Variants in PLD5 observed in about 807,000 individuals in gnomAD.
PLD5 encodes the protein phospholipase D family member 5.
In PLD5, 36 loss-of-function variants were observed where a neutral mutation model predicts 61.1. The observed-to-expected ratio is 0.59, with a 90% CI of 0.45 to 0.78. PLD5 has a LOEUF of 0.78. Ranked by LOEUF, PLD5 falls within the 30% of genes least tolerant of loss-of-function variation. PLD5 has a pLI of 0.00. For synonymous variants in PLD5, 243 were observed against 242.8 expected, an observed-to-expected ratio of 1.00 and a Z score of -0.01; for missense variants, 515 against 644.4, an observed-to-expected ratio of 0.80 and a Z score of 2.17.
intron 5 of PLD5, among the ~76,000 whole-genome samples, chr1:242,154,859 T>C (rs559554563): frequency 1.3e-5 from 2 of 152,300 alleles, no homozygotes; most frequent in African/African-American, 4.8e-5. Context: ...ACTGGCCTCA[T>C]AAAATGAGTT....
chr1:242,096,244 C>T (rs937706128), intron 9 of PLD5, among the ~76,000 whole-genome samples: 4 of 152,164 alleles, frequency 2.6e-5, no homozygotes, highest in African/African-American at 9.7e-5. Context: ...AGGCGTGAGC[C>T]ACTGCACCCA....
At chr1:242,530,237 T>G in the PLD5 span, among the ~76,000 whole-genome samples, 1 of 152,284 alleles carries the variant, frequency 6.6e-6, no homozygotes. Flanking sequence ...GGTTGTCGTG[T>G]TGGCTCAGTT....
At chr1:242,160,966 C>CT (rs1401453154) in intron 5 of PLD5, among the ~76,000 whole-genome samples, 1 of 151,242 alleles carries the variant, frequency 6.6e-6, no homozygotes, top group Non-Finnish European at 1.5e-5. Flanking sequence ...AATATGATTG[C>CT]TTTTTAAGAC....
Position 242,473,375 on chromosome 1 carries a change from A to G in PLD5, c.189+50713T>C, listed in dbSNP as rs1474380781. Among the ~76,000 whole-genome samples, 3 of 152,208 alleles carry G rather than the reference A, an allele frequency of 2.0e-5. No homozygotes were observed. The East Asian group carries it at 5.8e-4, about 29-fold the overall frequency. On this transcript the variant is annotated intron_variant, in intron 1 of 9. Transcript: ENST00000536534. ...CACTCCATTTTGGTTCAATTTCCAA[A>G]TGGAAAAGACACTTACTCCCTTGTA...
chr1:242,523,424 T>C (rs1669342063), intron 1 of PLD5, among the ~76,000 whole-genome samples: 1 of 152,034 alleles, frequency 6.6e-6, no homozygotes, highest in Admixed American at 6.5e-5. Context: ...TCGGCACTCC[T>C]TGGGAGTAGA....
chr1:242,202,803 T>C (rs1489512523), intron 5 of PLD5, among the ~76,000 whole-genome samples: 1 of 152,088 alleles, frequency 6.6e-6, no homozygotes, highest in East Asian at 1.9e-4. Context: ...CTGTGGGGAT[T>C]TCATGTAATT....
At chr1:242,247,275 C>T (rs937322323) in intron 4 of PLD5, among the ~76,000 whole-genome samples, 4 of 152,212 alleles carry the variant, frequency 2.6e-5, no homozygotes, top group African/African-American at 9.6e-5. Context: ...AGCCACCGCG[C>T]CCGGCCTTAG....
chr1:242,147,876 T>A (rs967543475), intron 5 of PLD5, among the ~76,000 whole-genome samples: 1 of 152,184 alleles, frequency 6.6e-6, no homozygotes, highest in Non-Finnish European at 1.5e-5. Context: ...TATTAAATTT[T>A]GAGAGTTTCA....
chr1:242,428,375 C>G (rs1220367807), intron 1 of PLD5, among the ~76,000 whole-genome samples: 2 of 152,150 alleles, frequency 1.3e-5, no homozygotes, highest in East Asian at 3.9e-4. Flanking sequence ...AGAAAAAGAG[C>G]TCAACCACCC....
chr1:242,345,719 C>G (rs2261229), intron 2 of PLD5: 2 of 696,882 alleles, frequency 2.9e-6, no homozygotes, highest in Non-Finnish European at 5.3e-6. Flanking sequence ...TGTGGAAGAT[C>G]AAATCAAATT....
chr1:242,125,025 G>A (rs548943508), intron 5 of PLD5, among the ~76,000 whole-genome samples: 4 of 151,836 alleles, frequency 2.6e-5, no homozygotes, highest in East Asian at 1.9e-4. Flanking sequence ...CAACATAACC[G>A]AATGGCTGGA....
At chr1:242,300,860 A>C (rs1159612403) in intron 2 of PLD5, among the ~76,000 whole-genome samples, 2 of 152,164 alleles carry the variant, frequency 1.3e-5, no homozygotes, top group Non-Finnish European at 2.9e-5. Context: ...GGGATGGGGA[A>C]AAGTGGAGAG....
At chr1:242,377,266 G>A (rs1558509362) in intron 1 of PLD5, 2 of 1,610,128 alleles carry the variant, frequency 1.2e-6, no homozygotes, top group South Asian at 1.1e-5. Flanking sequence ...TCGTGGAACT[G>A]CAGCAGGTTT....
intron 1 of PLD5, among the ~76,000 whole-genome samples, chr1:242,421,127 C>T (rs1474238251): frequency 7.0e-6 from 1 of 143,718 alleles, no homozygotes; most frequent in East Asian, 2.0e-4. Flanking sequence ...TTGCAGTGAT[C>T]CGAGATCACG....
intron 5 of PLD5, among the ~76,000 whole-genome samples, chr1:242,125,627 T>C (rs1662723501): frequency 1.3e-5 from 2 of 152,190 alleles, no homozygotes; most frequent in African/African-American, 4.8e-5. Flanking sequence ...CAAAAATACA[T>C]GCTTTCTATG....
chr1:242,436,019 C>T (rs1282258225), intron 1 of PLD5, among the ~76,000 whole-genome samples: 1 of 152,110 alleles, frequency 6.6e-6, no homozygotes, highest in Admixed American at 6.5e-5. Context: ...ACTTTCAAAA[C>T]CCATTAGAGT....
intron 1 of PLD5, among the ~76,000 whole-genome samples, chr1:242,510,456 G>C (rs1479899127): frequency 1.3e-5 from 2 of 152,138 alleles, no homozygotes; most frequent in African/African-American, 2.4e-5. Context: ...CACTTAGCTT[G>C]CTCTGTCATT....
At chr1:242,289,581 G>A (rs1399761414) in intron 2 of PLD5, among the ~76,000 whole-genome samples, 9 of 152,010 alleles carry the variant, frequency 5.9e-5, no homozygotes, top group Non-Finnish European at 1.3e-4. Flanking sequence ...TCGAACTCCT[G>A]ACCTCTCATG....
intron 1 of PLD5, among the ~76,000 whole-genome samples, chr1:242,443,713 A>T (rs1459874430): frequency 6.6e-6 from 1 of 152,188 alleles, no homozygotes; most frequent in Admixed American, 6.5e-5. Flanking sequence ...TTGAGTCCAC[A>T]TTTATAGGAG....
Sources: allele counts gnomAD v4.1 joint callset (sites outside exome capture counted in the v4.1 genomes callset), GRCh38; gene constraint gnomAD v4.1.1; transcripts MANE v1.5; gene names NCBI Gene and HGNC (gene_info 2026-07-23, HGNC 2026-07-21).